The following PPP2R2B variants were observed in gnomAD, a reference collection of about 807,000 sequenced individuals.
The protein encoded by PPP2R2B is serine/threonine-protein phosphatase 2A 55 kDa regulatory subunit B beta isoform.
PPP2R2B carries 5 observed loss-of-function variants against 46.0 expected under a neutral mutation model. That is an observed-to-expected ratio of 0.11 (90% CI 0.06 to 0.23). The LOEUF (loss-of-function observed/expected upper bound fraction) is 0.23, where lower values mean the gene tolerates loss of function less well. PPP2R2B is among the 10% of genes least tolerant of loss of function. The pLI is 1.00. For synonymous variants in PPP2R2B, 215 were observed against 206.7 expected, an observed-to-expected ratio of 1.04 and a Z score of -0.34; for missense variants, 367 against 575.0, an observed-to-expected ratio of 0.64 and a Z score of 3.70.
chr5:147,042,101 C>G (rs962898428), intron 1 of PPP2R2B, among the ~76,000 whole-genome samples: 1 of 152,146 alleles, frequency 6.6e-6, no homozygotes, highest in Non-Finnish European at 1.5e-5. Context: ...CGCCCAAATC[C>G]CCACGTCTAT....
intron 1 of PPP2R2B, among the ~76,000 whole-genome samples, chr5:146,908,127 C>T (rs1028226334): frequency 6.6e-6 from 1 of 152,114 alleles, no homozygotes; most frequent in African/African-American, 2.4e-5. Flanking sequence ...TGGAGGTACC[C>T]CAGGGCACCA....
At chr5:146,781,248 T>A (rs552228402) in intron 2 of PPP2R2B, among the ~76,000 whole-genome samples, 31 of 144,800 alleles carry the variant, frequency 2.1e-4, no homozygotes, top group Non-Finnish European at 4.1e-4. Context: ...AATCACATCA[T>A]AACAGTAGTG....
At chr5:146,920,706 T>C (rs1321674527) in intron 1 of PPP2R2B, among the ~76,000 whole-genome samples, 3 of 152,140 alleles carry the variant, frequency 2.0e-5, no homozygotes, top group Non-Finnish European at 4.4e-5. Flanking sequence ...AGAATGAAGC[T>C]CCTGCCAACC....
At chr5:146,996,291 A>G (rs1185086457) in intron 1 of PPP2R2B, among the ~76,000 whole-genome samples, 1 of 152,174 alleles carries the variant, frequency 6.6e-6, no homozygotes, top group Non-Finnish European at 1.5e-5. Flanking sequence ...GAAAAAATTG[A>G]GTTTAAGAGG....
In PPP2R2B at chr5:146,869,175, G is replaced by A. The variant is rs186411426; in HGVS notation, c.70+8827C>T. On this transcript the variant is annotated intron_variant, in intron 2 of 9. Transcript: ENST00000394411. ...TCATTCTCTACATTAGGAAATTCAG[G>A]TTCTTGGTTTAAATGACTGATCCAA... Among the ~76,000 whole-genome samples the A allele has an allele frequency of 1.1e-3, 169 of 152,206 alleles. 1 individual carries two copies. The highest frequency in any genetic ancestry group is 3.6e-3 in the African/African-American group (149 of 41,540).
At chr5:146,624,137 G>A (rs985107062) in intron 7 of PPP2R2B, among the ~76,000 whole-genome samples, 2 of 152,180 alleles carry the variant, frequency 1.3e-5, no homozygotes, top group African/African-American at 4.8e-5. Flanking sequence ...CTGCAAAAAG[G>A]AAGAGATACT....
At chr5:147,029,227 T>C (rs1755667966) in intron 1 of PPP2R2B, among the ~76,000 whole-genome samples, 1 of 152,196 alleles carries the variant, frequency 6.6e-6, no homozygotes, top group Non-Finnish European at 1.5e-5. Flanking sequence ...TTAACCTACC[T>C]AAGGTTGTCA....
chr5:146,672,917 A>C (rs187951296), intron 5 of PPP2R2B, among the ~76,000 whole-genome samples: 264 of 152,334 alleles, frequency 1.7e-3, no homozygotes, highest in African/African-American at 6.0e-3. Flanking sequence ...AATGGGATAA[A>C]CCCAGATCCT....
At chr5:147,067,008 A>G (rs943794017) in intron 2 of PPP2R2B, among the ~76,000 whole-genome samples, 4 of 152,308 alleles carry the variant, frequency 2.6e-5, no homozygotes, top group African/African-American at 9.6e-5. Context: ...GATTGATAAA[A>G]TAGAGGTAGA....
At chr5:147,073,227 G>T (rs1425437973) in intron 2 of PPP2R2B, among the ~76,000 whole-genome samples, 1 of 152,060 alleles carries the variant, frequency 6.6e-6, no homozygotes, top group Non-Finnish European at 1.5e-5. Context: ...CTCCTTCTTG[G>T]CTAGGAAATA....
intron 1 of PPP2R2B, among the ~76,000 whole-genome samples, chr5:147,037,068 C>T (rs1331208269): frequency 6.6e-6 from 1 of 152,048 alleles, no homozygotes; most frequent in African/African-American, 2.4e-5. Flanking sequence ...CCCACGTTAG[C>T]ATACAGTAGA....
intron 1 of PPP2R2B, among the ~76,000 whole-genome samples, chr5:147,046,722 A>T (rs2151899956): frequency 6.6e-6 from 1 of 152,014 alleles, no homozygotes. Flanking sequence ...AATATTTCAT[A>T]TCACTAATCC....
chr5:146,691,091 CCT>C, intron 5 of PPP2R2B, 35 bp downstream of exon 5: 2 of 1,586,160 alleles, frequency 1.3e-6, no homozygotes, highest in Non-Finnish European at 1.7e-6. Context: ...GAGACCTGCC[CCT>C]GACTGTGGTG....
intron 2 of PPP2R2B, among the ~76,000 whole-genome samples, chr5:146,811,231 C>A (rs188115976): frequency 6.6e-6 from 1 of 152,192 alleles, no homozygotes; most frequent in Non-Finnish European, 1.5e-5. Context: ...ATCTCTTGAC[C>A]TTGTGATCTG....
At chr5:146,786,022 A>G (rs1266526685) in intron 2 of PPP2R2B, among the ~76,000 whole-genome samples, 2 of 152,174 alleles carry the variant, frequency 1.3e-5, no homozygotes, top group Non-Finnish European at 2.9e-5. Context: ...AATAGCTAAG[A>G]GAGAAGATTT....
intron 2 of PPP2R2B, among the ~76,000 whole-genome samples, chr5:146,762,887 C>T (rs981515592): frequency 6.6e-6 from 1 of 152,068 alleles, no homozygotes; most frequent in African/African-American, 2.4e-5. Flanking sequence ...CTGCTTCAGG[C>T]TGGTAGGTAA....
intron 2 of PPP2R2B, among the ~76,000 whole-genome samples, chr5:146,792,813 G>A (rs1439983974): frequency 6.6e-6 from 1 of 152,182 alleles, no homozygotes; most frequent in Non-Finnish European, 1.5e-5. Context: ...GCAGTAGGAA[G>A]TGAGGTTAGA....
chr5:147,013,028 C>G (rs1754820503), intron 1 of PPP2R2B, among the ~76,000 whole-genome samples: 1 of 151,566 alleles, frequency 6.6e-6, no homozygotes, highest in African/African-American at 2.4e-5. Context: ...TAAGCAACTT[C>G]AGCAAAGTCT....
Position 146,756,198 on chromosome 5 carries a change from T to C in PPP2R2B, c.71-55056A>G, listed in dbSNP as rs779195422. On this transcript the variant is annotated intron_variant, in intron 2 of 9. Coordinates refer to ENST00000394411, the MANE Select transcript of PPP2R2B (RefSeq NM_181675.4). ...ACATAAGCCGCTGTTCCATAGAGCT[T>C]GGGAATAAGAATAACTAACATTTAT... Among the ~76,000 whole-genome samples, 152 of 152,140 alleles carry C rather than the reference T, an allele frequency of 1.0e-3. 1 individual carries two copies. Among genetic ancestry groups the C allele is most frequent in the Non-Finnish European group, 5.7e-4 (39 of 68,030 alleles).
Sources: gnomAD v4.1 joint callset for allele counts (sites outside exome capture counted in the v4.1 genomes callset) on GRCh38, gnomAD v4.1.1 for gene constraint, MANE v1.5 for transcripts, NCBI Gene and HGNC (gene_info 2026-07-23, HGNC 2026-07-21) for gene names.